ARB2A: variants seen among roughly 807,000 people sequenced by gnomAD.
ARB2A encodes cotranscriptional regulator ARB2A.
the ARB2A span, among the ~76,000 whole-genome samples, chr5:93,833,734 C>G: frequency 6.6e-6 from 1 of 152,142 alleles, no homozygotes; most frequent in African/African-American, 2.4e-5. Flanking sequence ...AACAAGTAAA[C>G]AACAGGAAAA....
the ARB2A span, among the ~76,000 whole-genome samples, chr5:94,039,930 T>C: frequency 6.6e-6 from 1 of 152,118 alleles, no homozygotes; most frequent in Non-Finnish European, 1.5e-5. Flanking sequence ...TCAACTGACT[T>C]TGGGTAAGTG....
the ARB2A span, among the ~76,000 whole-genome samples, chr5:93,761,753 GCCT>G: frequency 1.6e-4 from 24 of 152,314 alleles, no homozygotes; most frequent in African/African-American, 5.8e-4. Flanking sequence ...CAGACAGACT[GCCT>G]CCTCAAGTGG....
chr5:93,841,254 T>A, the ARB2A span, among the ~76,000 whole-genome samples: 1 of 152,178 alleles, frequency 6.6e-6, no homozygotes, highest in Non-Finnish European at 1.5e-5. Context: ...ATCAAAAATA[T>A]TTTTGAAAAT....
At chr5:93,756,639 G>T in the ARB2A span, among the ~76,000 whole-genome samples, 1 of 152,142 alleles carries the variant, frequency 6.6e-6, no homozygotes, top group Non-Finnish European at 1.5e-5. Context: ...CTGCAGTTTG[G>T]CTTACAGGAA....
chr5:93,722,276 A>G, the ARB2A span, among the ~76,000 whole-genome samples: 1 of 152,088 alleles, frequency 6.6e-6, no homozygotes, highest in African/African-American at 2.4e-5. Flanking sequence ...TCAGTGACCT[A>G]GATAATCTGA....
At chr5:94,048,051 C>CTT in the ARB2A span, among the ~76,000 whole-genome samples, 8,577 of 96,052 alleles carry the variant, frequency 0.089, 974 homozygotes, top group Middle Eastern at 0.19. Flanking sequence ...AATCGGTAAG[C>CTT]TTTTTTTTTT....
chr5:93,966,986 T>C, the ARB2A span, among the ~76,000 whole-genome samples: 1 of 151,750 alleles, frequency 6.6e-6, no homozygotes, highest in African/African-American at 2.4e-5. Context: ...CCTGTCTACA[T>C]CTTTTGAGGG....
chr5:93,749,427 T>C, the ARB2A span, among the ~76,000 whole-genome samples: 3 of 152,318 alleles, frequency 2.0e-5, no homozygotes, highest in East Asian at 3.9e-4. Context: ...GTCTGGGGAA[T>C]TGATGTTATT....
the ARB2A span, among the ~76,000 whole-genome samples, chr5:93,808,917 C>A: frequency 6.6e-6 from 1 of 151,858 alleles, no homozygotes; most frequent in African/African-American, 2.4e-5. Flanking sequence ...ATTATGCCAG[C>A]AACTATAATA....
At chr5:94,050,248 G>T in the ARB2A span, among the ~76,000 whole-genome samples, 9 of 144,846 alleles carry the variant, frequency 6.2e-5, no homozygotes, top group Admixed American at 2.8e-4. Flanking sequence ...CCTAAAAACA[G>T]AAACTTTTTT....
the ARB2A span, among the ~76,000 whole-genome samples, chr5:94,078,579 A>G: frequency 2.0e-5 from 3 of 152,180 alleles, no homozygotes; most frequent in Non-Finnish European, 2.9e-5. Flanking sequence ...GCCCAGGGTA[A>G]TAAGGGCCCC....
chr5:93,918,699 G>A, the ARB2A span, among the ~76,000 whole-genome samples: 1 of 152,132 alleles, frequency 6.6e-6, no homozygotes, highest in Non-Finnish European at 1.5e-5. Context: ...TGGGATTACA[G>A]GCATGAGCCA....
the ARB2A span, among the ~76,000 whole-genome samples, chr5:93,928,471 T>C: frequency 6.6e-6 from 1 of 152,204 alleles, no homozygotes; most frequent in Non-Finnish European, 1.5e-5. Flanking sequence ...TTATACTGTT[T>C]TGTGTAAAGC....
the ARB2A span, among the ~76,000 whole-genome samples, chr5:93,960,056 T>C: frequency 3.4e-5 from 4 of 117,652 alleles, no homozygotes; most frequent in Non-Finnish European, 4.9e-5. Context: ...ATTATCAAAA[T>C]AGGAAGTATA....
At chr5:94,001,145 A>G in the ARB2A span, among the ~76,000 whole-genome samples, 2 of 152,032 alleles carry the variant, frequency 1.3e-5, no homozygotes, top group Admixed American at 6.6e-5. Context: ...TTGCCTCCTC[A>G]TATACACTTT....
the ARB2A span, among the ~76,000 whole-genome samples, chr5:93,979,783 A>G: frequency 6.6e-6 from 1 of 151,802 alleles, no homozygotes; most frequent in Non-Finnish European, 1.5e-5. Flanking sequence ...CTCTTCCTAT[A>G]TTTTAATAGG....
chr5:93,944,066 C>T, the ARB2A span, among the ~76,000 whole-genome samples: 1 of 151,968 alleles, frequency 6.6e-6, no homozygotes, highest in Non-Finnish European at 1.5e-5. Context: ...AGTAGAAAAT[C>T]CTAAAATTTT....
the ARB2A span, among the ~76,000 whole-genome samples, chr5:94,046,747 G>C: frequency 6.6e-6 from 1 of 152,054 alleles, no homozygotes; most frequent in African/African-American, 2.4e-5. Context: ...CCTCACTCAT[G>C]CTTATCGGAT....
chr5:93,781,897 C>T, the ARB2A span: 43 of 985,186 alleles, frequency 4.4e-5, no homozygotes, highest in Non-Finnish European at 4.8e-5. Context: ...AAGACAACAG[C>T]CCTTTCCTGT....
Sources: gnomAD v4.1 joint callset for allele counts (sites outside exome capture counted in the v4.1 genomes callset) on GRCh38, gnomAD v4.1.1 for gene constraint, MANE v1.5 for transcripts, NCBI Gene and HGNC (gene_info 2026-07-23, HGNC 2026-07-21) for gene names.